Variants in MYT1L observed in about 807,000 individuals in gnomAD.
The protein encoded by MYT1L is myelin transcription factor 1-like protein.
Under a neutral mutation model 126.7 loss-of-function variants are expected in MYT1L, and 12 were observed. The ratio of observed to expected loss-of-function variants is 0.09; its 90% CI spans 0.06 to 0.15. MYT1L has a LOEUF of 0.15. Among genes scored for constraint, MYT1L ranks in the 10% least tolerant of loss-of-function variants. The pLI is 1.00. For synonymous variants in MYT1L, 541 were observed against 604.2 expected, an observed-to-expected ratio of 0.90 and a Z score of 1.53; for missense variants, 979 against 1,585.2, an observed-to-expected ratio of 0.62 and a Z score of 6.49.
chr2:2,248,278 AGAAGAAGTT>A (rs2094571829), intron 2 of MYT1L, among the ~76,000 whole-genome samples: 2 of 152,154 alleles, frequency 1.3e-5, no homozygotes, highest in Admixed American at 1.3e-4. Flanking sequence ...TGGAAAATCT[AGAAGAAGTT>A]GATAAATTCC....
chr2:2,029,654 T>C lies in MYT1L; in HGVS notation c.-158+24324A>G, dbSNP rs537976684. On this transcript the variant is annotated intron_variant, in intron 4 of 24. Transcript: ENST00000647738. The stretch of plus-strand genomic sequence containing the variant: ...GACATCTGCACACACACACACAGTA[T>C]AGCTTTCCACACATGAAATGACTTG... Among the ~76,000 whole-genome samples the C allele has an allele frequency of 2.6e-5, 4 of 152,306 alleles. No homozygotes were observed. In the South Asian group the frequency reaches 8.3e-4, roughly 32 times the overall value.
Position 1,917,450 on chromosome 2 carries a change from G to A in MYT1L, c.1484-111C>T, listed in dbSNP as rs527508161. 120 of 1,342,432 alleles carry A rather than the reference G, an allele frequency of 8.9e-5. No homozygotes were observed. In the Middle Eastern group the frequency reaches 9.5e-4, roughly 11 times the overall value. 83.2% of individuals were successfully genotyped at this position (1,342,432 alleles called of 1,614,324 possible). Reference sequence around the variant, plus strand: ...TAAAGAAAGAAATAAAGCAGGTGTCGGGGGCTAGGCTGTGACATCAGACTT... The same window carrying A: ...TAAAGAAAGAAATAAAGCAGGTGTCAGGGGCTAGGCTGTGACATCAGACTT... On this transcript the variant is annotated intron_variant, in intron 10 of 24. Transcript: ENST00000647738. The surrounding 1 kb of genome is among the most constrained non-coding windows in gnomAD (Gnocchi z 5.9).
At chr2:2,147,201 T>C (rs1421036139) in intron 3 of MYT1L, among the ~76,000 whole-genome samples, 1 of 152,108 alleles carries the variant, frequency 6.6e-6, no homozygotes, top group Non-Finnish European at 1.5e-5. Flanking sequence ...AAACCTCACA[T>C]CTAATGATAA....
At chr2:1,948,672 C>A (rs931458540) in intron 8 of MYT1L, among the ~76,000 whole-genome samples, 6 of 126,420 alleles carry the variant, frequency 4.7e-5, no homozygotes, top group Admixed American at 4.5e-4. Context: ...TGGTGCCGCC[C>A]AGCAACACCA....
chr2:1,822,146 C>G (rs1263391115), intron 21 of MYT1L, among the ~76,000 whole-genome samples: 1 of 152,208 alleles, frequency 6.6e-6, no homozygotes, highest in Non-Finnish European at 1.5e-5. Flanking sequence ...AGCTCCTCTG[C>G]AGGGAGCTGA....
intron 5 of MYT1L, among the ~76,000 whole-genome samples, chr2:1,982,423 G>A (rs185239126): frequency 7.9e-5 from 12 of 152,312 alleles, no homozygotes; most frequent in Admixed American, 4.6e-4. Flanking sequence ...AACATTCTCC[G>A]GGGGTGTAGT....
intron 2 of MYT1L, among the ~76,000 whole-genome samples, chr2:2,199,485 G>A (rs1186353046): frequency 1.3e-5 from 2 of 152,122 alleles, no homozygotes; most frequent in Non-Finnish European, 2.9e-5. Flanking sequence ...TCCTTCCCCC[G>A]AGTCAATGGG....
At chr2:2,085,488 C>A (rs944702479) in intron 3 of MYT1L, among the ~76,000 whole-genome samples, 6 of 152,140 alleles carry the variant, frequency 3.9e-5, no homozygotes, top group Non-Finnish European at 5.9e-5. Context: ...CTTTCCCACC[C>A]CCAGAATAGT....
chr2:2,082,795 G>C (rs74973125), intron 3 of MYT1L, among the ~76,000 whole-genome samples: 36 of 152,244 alleles, frequency 2.4e-4, no homozygotes, highest in African/African-American at 7.9e-4. Flanking sequence ...GCATGATTAG[G>C]AATAAAACCA....
In MYT1L at chr2:1,923,135, C is replaced by T. The variant is rs1277588922; in HGVS notation, c.634G>A (p.Ala212Thr). 1 of 1,613,878 alleles carries T rather than the reference C, an allele frequency of 6.2e-7. No individual in the cohort carries two copies. The change falls in exon 10 of 25, where the codon GCT (alanine) becomes ACT (threonine). Residue 212 changes from alanine to threonine, a missense_variant. This residue lies in a region of MYT1L where 243 missense variants were observed against 363.9 expected (regional missense o/e 0.67). Transcript: ENST00000647738. ...AKSLLNLGKIAEDAAYRARTE... is the reference protein window; with the variant it reads ...AKSLLNLGKITEDAAYRARTE... ...CTGGCCCGGTAGGCTGCATCCTCAG[C>T]GATTTTGCCGAGGTTTAACAATGAC...
chr2:2,320,968 T>A (rs987371718), intron 1 of MYT1L, among the ~76,000 whole-genome samples: 4 of 152,214 alleles, frequency 2.6e-5, no homozygotes, highest in Non-Finnish European at 5.9e-5. Flanking sequence ...AGACCATACA[T>A]CCGTGGTCTA....
chr2:1,970,434 C>G (rs993251101), intron 8 of MYT1L, among the ~76,000 whole-genome samples: 7 of 152,228 alleles, frequency 4.6e-5, no homozygotes, highest in African/African-American at 1.7e-4. Context: ...GCCCCAGCCC[C>G]CATCTCACCA....
At chr2:1,937,361 CG>C (rs2056056317) in intron 9 of MYT1L, among the ~76,000 whole-genome samples, 2 of 151,422 alleles carry the variant, frequency 1.3e-5, no homozygotes, top group Non-Finnish European at 3.0e-5. Context: ...GATCGCACAG[CG>C]AGAAGGCCCT....
intron 2 of MYT1L, among the ~76,000 whole-genome samples, chr2:2,192,348 C>G (rs1362190762): frequency 6.6e-6 from 1 of 152,174 alleles, no homozygotes; most frequent in African/African-American, 2.4e-5. Context: ...AGGATAATGA[C>G]TCAAATGCGC....
At chr2:2,011,499 T>C (rs1416016034) in intron 4 of MYT1L, among the ~76,000 whole-genome samples, 1 of 150,902 alleles carries the variant, frequency 6.6e-6, no homozygotes, top group African/African-American at 2.4e-5. Flanking sequence ...AACAAAAGCA[T>C]GAGCAATTAA....
At chr2:2,286,895 G>A (rs1025881179) in intron 1 of MYT1L, among the ~76,000 whole-genome samples, 5 of 152,198 alleles carry the variant, frequency 3.3e-5, no homozygotes, top group Admixed American at 2.6e-4. Flanking sequence ...GTGTCAAAGC[G>A]ATGTCACTAG....
intron 2 of MYT1L, among the ~76,000 whole-genome samples, chr2:2,272,368 C>T (rs1197014920): frequency 6.6e-6 from 1 of 152,178 alleles, no homozygotes; most frequent in Non-Finnish European, 1.5e-5. Context: ...CCTGCCCCCG[C>T]CCTCGCTGAG....
intron 2 of MYT1L, among the ~76,000 whole-genome samples, chr2:2,242,851 A>C (rs1460424494): frequency 6.6e-6 from 1 of 152,216 alleles, no homozygotes; most frequent in Non-Finnish European, 1.5e-5. Context: ...TCTGCACAAG[A>C]TGTGCCCAAG....
intron 2 of MYT1L, among the ~76,000 whole-genome samples, chr2:2,256,881 A>G (rs2094826363): frequency 6.6e-6 from 1 of 152,230 alleles, no homozygotes; most frequent in Admixed American, 6.5e-5. Context: ...CACATGTATG[A>G]GAGTGTGCAT....
Sources: allele counts gnomAD v4.1 joint callset (sites outside exome capture counted in the v4.1 genomes callset), GRCh38; gene constraint gnomAD v4.1.1; regional missense constraint gnomAD v4.1.1; non-coding constraint Gnocchi (gnomAD v3.1); transcripts MANE v1.5; gene names NCBI Gene and HGNC (gene_info 2026-07-23, HGNC 2026-07-21).